UBASH3A: variants seen among roughly 807,000 people sequenced by gnomAD.
UBASH3A encodes the protein ubiquitin-associated and SH3 domain-containing protein A.
UBASH3A carries 63 observed loss-of-function variants against 73.5 expected under a neutral mutation model. The observed-to-expected ratio is 0.86, with a 90% CI of 0.70 to 1.06. The LOEUF (loss-of-function observed/expected upper bound fraction) is 1.06, where lower values mean the gene tolerates loss of function less well. Ranked by LOEUF, UBASH3A falls within the 50% of genes least tolerant of loss-of-function variation. The pLI, the probability that UBASH3A is intolerant of heterozygous loss-of-function variation, is 0.00. For missense variants in UBASH3A, 860 were observed against 859.0 expected (o/e 1.00, Z -0.02); for synonymous variants, 363 against 351.1 (o/e 1.03, Z -0.38).
At chr21:42,411,688 C>G (rs2053100922) in intron 3 of UBASH3A, among the ~76,000 whole-genome samples, 1 of 152,194 alleles carries the variant, frequency 6.6e-6, no homozygotes, top group South Asian at 2.1e-4. Context: ...GTGGAGCTCC[C>G]CTCACAGGCA....
intron 5 of UBASH3A, among the ~76,000 whole-genome samples, chr21:42,415,568 G>A (rs150727984): frequency 3.0e-4 from 46 of 152,324 alleles, no homozygotes; most frequent in South Asian, 2.7e-3. Context: ...GCCGTGGAGT[G>A]GGGGCAGGGT....
intron 2 of UBASH3A, among the ~76,000 whole-genome samples, chr21:42,408,603 C>T (rs938909876): frequency 6.6e-6 from 1 of 152,152 alleles, no homozygotes; most frequent in African/African-American, 2.4e-5. Context: ...TTGAGCAGAA[C>T]TTTTATCCTT....
intron 7 of UBASH3A, among the ~76,000 whole-genome samples, chr21:42,425,317 A>G (rs2053415602): frequency 6.6e-6 from 1 of 152,190 alleles, no homozygotes; most frequent in Non-Finnish European, 1.5e-5. Context: ...AGCAAAATGC[A>G]CTCCGTTTCT....
chr21:42,436,724 T>G (rs2053633201), intron 10 of UBASH3A, among the ~76,000 whole-genome samples: 1 of 152,154 alleles, frequency 6.6e-6, no homozygotes, highest in South Asian at 2.1e-4. Flanking sequence ...CTGTGCAATT[T>G]TTGTGCTGTA....
intron 14 of UBASH3A, among the ~76,000 whole-genome samples, chr21:42,446,108 C>A (rs1271553521): frequency 6.6e-6 from 1 of 152,214 alleles, no homozygotes; most frequent in Non-Finnish European, 1.5e-5. Flanking sequence ...GCTGACAGTT[C>A]CTCAAACCCA....
intron 14 of UBASH3A, among the ~76,000 whole-genome samples, chr21:42,445,744 G>A (rs2053832561): frequency 6.6e-6 from 1 of 152,282 alleles, no homozygotes; most frequent in Non-Finnish European, 1.5e-5. Flanking sequence ...TGCTTCCCCT[G>A]CAAAATGTCT....
chr21:42,431,489 G>A (rs1175273946), intron 8 of UBASH3A, among the ~76,000 whole-genome samples: 1 of 152,254 alleles, frequency 6.6e-6, no homozygotes, highest in Non-Finnish European at 1.5e-5. Context: ...ATGCCGAGAA[G>A]AAGTAAATAA....
chr21:42,434,815 G>C lies in UBASH3A; in HGVS notation c.1271-17G>C. The C allele has an allele frequency of 6.2e-7, 1 of 1,607,574 alleles. No homozygotes were observed. Among genetic ancestry groups the C allele is most frequent in the Non-Finnish European group, 8.5e-7 (1 of 1,176,568 alleles). On this transcript the variant is annotated splice_polypyrimidine_tract_variant and intron_variant, in intron 9 of 14. Transcript: ENST00000319294. Reference sequence around the variant, plus strand: ...AACTTGATGAAACTGAACGTCTGATGCTTATTTATACTTCAGGGAAATACT... The same window carrying C: ...AACTTGATGAAACTGAACGTCTGATCCTTATTTATACTTCAGGGAAATACT...
intron 7 of UBASH3A, among the ~76,000 whole-genome samples, chr21:42,424,499 C>T (rs1012933354): frequency 6.6e-6 from 1 of 152,158 alleles, no homozygotes; most frequent in African/African-American, 2.4e-5. Flanking sequence ...ATTCACAAAC[C>T]ACAGCAGCTT....
intron 7 of UBASH3A, 91 bp from the exon 8 acceptor site, chr21:42,426,606 A>G: frequency 1.4e-6 from 2 of 1,475,078 alleles, no homozygotes; most frequent in Non-Finnish European, 1.8e-6. Context: ...TGTCCCGGAC[A>G]TTCTCAAGTA....
rs115207212 is a variant in UBASH3A at position 42,414,208 on chromosome 21, G to A, written c.667+685G>A. Among the ~76,000 whole-genome samples the A allele has an allele frequency of 2.6e-3, 396 of 152,288 alleles. 3 individuals carry two copies. The highest frequency in any genetic ancestry group is 8.8e-3 in the African/African-American group (366 of 41,564). On this transcript the variant is annotated intron_variant, in intron 5 of 14. Coordinates refer to ENST00000319294, the MANE Select transcript of UBASH3A (RefSeq NM_018961.4). ...CTCCCCACTTTCTCTCTCTGGGAGC[G>A]TGTCTGTCTGTGCTCAGACATGTAT... is the stretch of plus-strand genomic sequence containing the variant.
chr21:42,443,022 G>A, intron 12 of UBASH3A: 1 of 859,022 alleles, frequency 1.2e-6, no homozygotes, highest in Non-Finnish European at 1.6e-6. Context: ...AAGGTTCAGA[G>A]GAGCTGGACT....
intron 8 of UBASH3A, among the ~76,000 whole-genome samples, chr21:42,428,650 G>A (rs2053479595): frequency 6.6e-6 from 1 of 151,870 alleles, no homozygotes; most frequent in East Asian, 1.9e-4. Flanking sequence ...CCTTCACAGT[G>A]ACATCTAAAA....
chr21:42,428,343 G>A (rs1180802745), intron 8 of UBASH3A, among the ~76,000 whole-genome samples: 1 of 152,176 alleles, frequency 6.6e-6, no homozygotes, highest in African/African-American at 2.4e-5. Context: ...GTGGCTAGGT[G>A]AGGAGGCCTT....
At chr21:42,425,465 G>A (rs1249599067) in intron 7 of UBASH3A, among the ~76,000 whole-genome samples, 1 of 152,218 alleles carries the variant, frequency 6.6e-6, no homozygotes, top group Non-Finnish European at 1.5e-5. Flanking sequence ...CTAATGTGGG[G>A]CTATGAATTG....
At chr21:42,411,965 G>A (rs746509712) in intron 3 of UBASH3A, among the ~76,000 whole-genome samples, 25 of 152,212 alleles carry the variant, frequency 1.6e-4, no homozygotes, top group Non-Finnish European at 3.1e-4. Context: ...GACGGAAGCT[G>A]CATTAAACAC....
chr21:42,434,010 C>T (rs2053582611), intron 9 of UBASH3A, among the ~76,000 whole-genome samples: 1 of 152,100 alleles, frequency 6.6e-6, no homozygotes, highest in Non-Finnish European at 1.5e-5. Context: ...TGAAGGCAAA[C>T]CAGAGTGCAC....
chr21:42,438,907 G>A (rs1018921616), intron 11 of UBASH3A, among the ~76,000 whole-genome samples: 5 of 152,064 alleles, frequency 3.3e-5, no homozygotes, highest in Admixed American at 6.5e-5. Flanking sequence ...GAGCCATCCC[G>A]CAGATGGTGG....
rs557229505 is a variant in UBASH3A, at chr21:42,416,670, C to T, written c.837+59C>T. 39 of 1,408,862 alleles carry T rather than the reference C, an allele frequency of 2.8e-5. No homozygotes were observed. In the African/African-American group the frequency reaches 5.4e-4, roughly 19 times the overall value. 87.3% of individuals were successfully genotyped at this position (1,408,862 alleles called of 1,614,324 possible). A position where few individuals can be genotyped will look rare whatever the true frequency, so the allele number is the denominator to read the frequency against. On this transcript the variant is annotated intron_variant, in intron 6 of 14. Coordinates refer to ENST00000319294, the MANE Select transcript of UBASH3A (RefSeq NM_018961.4). ...GATGAATGGGCTGGGCTCGGTGGCT[C>T]ACGCCTGTAATCCCAGCACTTTGGG...
Sources: allele counts gnomAD v4.1 joint callset (sites outside exome capture counted in the v4.1 genomes callset), GRCh38; gene constraint gnomAD v4.1.1; transcripts MANE v1.5; gene names NCBI Gene and HGNC (gene_info 2026-07-23, HGNC 2026-07-21).